Variants in RFTN1 observed in about 807,000 individuals in gnomAD.
RFTN1 encodes raftlin, lipid raft linker 1.
Under a neutral mutation model 46.5 loss-of-function variants are expected in RFTN1, and 26 were observed. That is an observed-to-expected ratio of 0.56 (90% confidence interval 0.41 to 0.78). The LOEUF is 0.78. Ranked by LOEUF, RFTN1 falls within the 30% of genes least tolerant of loss-of-function variation. RFTN1 has a pLI of 0.00. For synonymous variants in RFTN1, 261 were observed against 284.2 expected (o/e 0.92, Z 0.82); for missense variants, 693 against 718.7 (o/e 0.96, Z 0.41).
At chr3:16,488,915 G>C (rs531459023) in intron 2 of RFTN1, among the ~76,000 whole-genome samples, 2 of 152,288 alleles carry the variant, frequency 1.3e-5, no homozygotes, top group South Asian at 4.1e-4. Flanking sequence ...CCAAAACCTG[G>C]AAATGACCCA....
rs564448640 is a variant in RFTN1 at position 16,327,872 on chromosome 3, C to T, written c.1147-996G>A. Among the ~76,000 whole-genome samples the T allele has an allele frequency of 6.6e-6, 1 of 152,224 alleles. No individual in the cohort carries two copies. The highest frequency in any genetic ancestry group is 1.5e-5 in the Non-Finnish European group (1 of 68,036). On this transcript the variant is annotated intron_variant, in intron 7 of 9. Coordinates refer to ENST00000334133, the MANE Select transcript of RFTN1 (RefSeq NM_015150.2). The surrounding 1 kb of genome is among the most constrained non-coding windows in gnomAD (Gnocchi z 4.2). ...ACCTCTGCAGGCGTTCTCACTGCAA[C>T]AGGCCTCATTTCTTACTACGGGTTC...
chr3:16,390,242 C>G (rs565812486), intron 4 of RFTN1, among the ~76,000 whole-genome samples: 1 of 152,280 alleles, frequency 6.6e-6, no homozygotes, highest in South Asian at 2.1e-4. Flanking sequence ...CTAATCCATA[C>G]CCACAGGAAA....
rs1575376935 is a variant in RFTN1 at position 16,498,091 on chromosome 3, G to C, written c.-8-4214C>G. Among the ~76,000 whole-genome samples the C allele has an allele frequency of 6.6e-6, 1 of 152,238 alleles. No homozygotes were observed. The highest frequency in any genetic ancestry group is 1.9e-4 in the East Asian group (1 of 5,170). On this transcript the variant is annotated intron_variant, in intron 1 of 9. Coordinates refer to ENST00000334133, the MANE Select transcript of RFTN1 (RefSeq NM_015150.2). This position sits in a 1 kb window ranked among gnomAD's most constrained non-coding sequence, Gnocchi z 5.2. Reference sequence around the variant, plus strand: ...GTGCTTGATATCACAGGACATAAAGGGGCTCTGGGCAAATCATCCATGTGA... The same window carrying C: ...GTGCTTGATATCACAGGACATAAAGCGGCTCTGGGCAAATCATCCATGTGA...
intron 2 of RFTN1, among the ~76,000 whole-genome samples, chr3:16,471,436 A>G (rs2076193653): frequency 6.6e-6 from 1 of 152,172 alleles, no homozygotes; most frequent in African/African-American, 2.4e-5. Flanking sequence ...AAATATCAAT[A>G]TTAATGGTCC....
intron 4 of RFTN1, among the ~76,000 whole-genome samples, chr3:16,403,690 AATAT>A (rs1481450234): frequency 6.0e-5 from 1 of 16,602 alleles, no homozygotes; most frequent in Non-Finnish European, 1.0e-4. Flanking sequence ...ATATATATAT[AATAT>A]ATATTTTATG....
chr3:16,492,547 G>C (rs181630450), intron 2 of RFTN1, among the ~76,000 whole-genome samples: 1 of 152,304 alleles, frequency 6.6e-6, no homozygotes, highest in Admixed American at 6.5e-5. Context: ...AAATCCATGA[G>C]CATGAGGGCT....
Position 16,507,788 on chromosome 3 carries a change from C to G in RFTN1, c.-9+5654G>C, listed in dbSNP as rs911597664. On this transcript the variant is annotated intron_variant, in intron 1 of 9. Transcript: ENST00000334133. The surrounding 1 kb of genome is among the most constrained non-coding windows in gnomAD (Gnocchi z 7.1). The stretch of plus-strand genomic sequence containing the variant: ...ACAAACACACACATACACTCACATA[C>G]ACACAAACACACACAAACGCACATA... 1.3e-5 allele frequency among the ~76,000 whole-genome samples: 2 copies of G among 149,858 alleles called. No individual in the cohort carries two copies. The highest frequency in any genetic ancestry group is 1.3e-4 in the Admixed American group (2 of 14,920).
Position 16,424,939 on chromosome 3 carries a change from C to T in RFTN1, c.332+8912G>A, listed in dbSNP as rs2075261640. ...TATATCTTTTTCAGCTTGAAAAACACACAAAAAAAATCTAAGTTACTTCTG... is the reference window on the plus strand; with the variant it reads ...TATATCTTTTTCAGCTTGAAAAACATACAAAAAAAATCTAAGTTACTTCTG... On this transcript the variant is annotated intron_variant, in intron 3 of 9. Transcript: ENST00000334133. The surrounding 1 kb of genome is among the most constrained non-coding windows in gnomAD (Gnocchi z 4.7). Among the ~76,000 whole-genome samples, 1 of 138,352 alleles carries T rather than the reference C, an allele frequency of 7.2e-6. No individual in the cohort carries two copies. Among genetic ancestry groups the T allele is most frequent in the Admixed American group, 7.4e-5 (1 of 13,504 alleles). 90.8% of individuals were successfully genotyped at this position (138,352 alleles called of 152,430 possible). A position where few individuals can be genotyped will look rare whatever the true frequency, so the allele number is the denominator to read the frequency against.
At position 16,422,861 on chromosome 3, in the gene RFTN1, G is replaced by C. The variant is rs2075213730; in HGVS notation, c.332+10990C>G. On this transcript the variant is annotated intron_variant, in intron 3 of 9. Transcript: ENST00000334133. This position sits in a 1 kb window ranked among gnomAD's most constrained non-coding sequence, Gnocchi z 4.6. ...TGCTCTTGGCAAAGGTGGCTACCTA[G>C]AAGAAAATAAAAGTTAGACTCCTGG... is the stretch of plus-strand genomic sequence containing the variant. Among the ~76,000 whole-genome samples, 1 of 151,994 alleles carries C rather than the reference G, an allele frequency of 6.6e-6. No individual in the cohort carries two copies. The highest frequency in any genetic ancestry group is 1.5e-5 in the Non-Finnish European group (1 of 67,978).
In RFTN1 at chr3:16,403,730, T is replaced by A; in HGVS notation, c.441+5645A>T. ...TATATAATATATAATATATATATTA[T>A]ATATATTATATTATATATTATATAT... On this transcript the variant is annotated intron_variant, in intron 4 of 9. Coordinates refer to ENST00000334133, the MANE Select transcript of RFTN1 (RefSeq NM_015150.2). 1.5e-4 allele frequency among the ~76,000 whole-genome samples: 3 copies of A among 20,356 alleles called. 1 individual carries two copies. Among genetic ancestry groups the A allele is most frequent in the South Asian group, 3.2e-3 (2 of 618 alleles). The allele number at this position is 20,356 out of a possible 152,430, so 13.4% of individuals were successfully genotyped here. A position where few individuals can be genotyped will look rare whatever the true frequency, so the allele number is the denominator to read the frequency against.
Position 16,381,687 on chromosome 3 carries a change from G to A in RFTN1, c.442-3585C>T, listed in dbSNP as rs1334222296. Among the ~76,000 whole-genome samples, 6 of 152,190 alleles carry A rather than the reference G, an allele frequency of 3.9e-5. No homozygotes were observed. On this transcript the variant is annotated intron_variant, in intron 4 of 9. Coordinates refer to ENST00000334133, the MANE Select transcript of RFTN1 (RefSeq NM_015150.2). The surrounding 1 kb of genome is among the most constrained non-coding windows in gnomAD (Gnocchi z 4.2). ...GGGCAATCCATGTAAAGGCAAGGAA[G>A]GATCATGATGGGCAAAAGCGTGACA...
chr3:16,453,600 T>G (rs1346232339), intron 2 of RFTN1, among the ~76,000 whole-genome samples: 1 of 152,254 alleles, frequency 6.6e-6, no homozygotes, highest in Non-Finnish European at 1.5e-5. Context: ...CAAAGCCTTT[T>G]AAAAATGTAA....
rs978758759 is a variant in RFTN1 at position 16,384,848 on chromosome 3, C to A, written c.442-6746G>T. On this transcript the variant is annotated intron_variant, in intron 4 of 9. Coordinates refer to ENST00000334133, the MANE Select transcript of RFTN1 (RefSeq NM_015150.2). This position sits in a 1 kb window ranked among gnomAD's most constrained non-coding sequence, Gnocchi z 4.7. ...CCAGCCACTTGTGGCTAGTGATGAC[C>A]CCATGGACAGTGCAGGTGTAGAACA... 6.6e-6 allele frequency among the ~76,000 whole-genome samples: 1 copy of A among 152,092 alleles called. No homozygotes were observed. Among genetic ancestry groups the A allele is most frequent in the Non-Finnish European group, 1.5e-5 (1 of 68,020 alleles).
Position 16,479,340 on chromosome 3 carries a change from T to C in RFTN1, c.145+14385A>G, listed in dbSNP as rs2076330086. Among the ~76,000 whole-genome samples, 1 of 152,224 alleles carries C rather than the reference T, an allele frequency of 6.6e-6. No homozygotes were observed. Among genetic ancestry groups the C allele is most frequent in the Admixed American group, 6.5e-5 (1 of 15,290 alleles). On this transcript the variant is annotated intron_variant, in intron 2 of 9. Transcript: ENST00000334133. The surrounding 1 kb of genome is among the most constrained non-coding windows in gnomAD (Gnocchi z 5.1). ...AGTTGTTTTAGGCTAATTCATTAAATGAAGTCCACAATAAGAAACTACTTA... is the reference window on the plus strand; with the variant it reads ...AGTTGTTTTAGGCTAATTCATTAAACGAAGTCCACAATAAGAAACTACTTA...
chr3:16,377,778 T>A lies in RFTN1; in HGVS notation c.766A>T (p.Lys256Ter), dbSNP rs2073834274. The change falls in exon 5 of 10, where the codon AAG (lysine) becomes TAG (stop). Residue 256 changes from lysine to a stop codon, truncating the protein, a stop_gained. Transcript: ENST00000334133. LOFTEE classifies it high-confidence loss of function. ...GGELSPQGVSKTLDGPESNPL... is the reference protein window; with the variant it reads ...GGELSPQGVS ...TTGCTCTCCGGTCCATCCAGTGTCT[T>A]GCTCACCCCCTGTGGTGAAAGTTCT... 6.2e-7 allele frequency: 1 copy of A among 1,613,916 alleles called. No individual in the cohort carries two copies. The highest frequency in any genetic ancestry group is 1.7e-5 in the Admixed American group (1 of 60,000).
In RFTN1 at chr3:16,440,099, G is replaced by T. The variant is rs922639174; in HGVS notation, c.146-6062C>A. On this transcript the variant is annotated intron_variant, in intron 2 of 9. Transcript: ENST00000334133. This position sits in a 1 kb window ranked among gnomAD's most constrained non-coding sequence, Gnocchi z 4.6. Reference sequence around the variant, plus strand: ...CACTGGTATGGCTGTCTTAGCCACCGTTACCTTCCAAAAAGAGAAAATGCC... The same window carrying T: ...CACTGGTATGGCTGTCTTAGCCACCTTTACCTTCCAAAAAGAGAAAATGCC... Among the ~76,000 whole-genome samples the T allele has an allele frequency of 6.6e-6, 1 of 152,144 alleles. No individual in the cohort carries two copies. Among genetic ancestry groups the T allele is most frequent in the South Asian group, 2.1e-4 (1 of 4,832 alleles).
intron 4 of RFTN1, among the ~76,000 whole-genome samples, chr3:16,386,825 G>A (rs540163712): frequency 3.9e-5 from 6 of 152,274 alleles, no homozygotes; most frequent in Admixed American, 2.0e-4. Context: ...TAACTGCAGA[G>A]CTCATGGGAA....
Position 16,374,928 on chromosome 3 carries a change from T to C in RFTN1, c.826+2790A>G, listed in dbSNP as rs1249010177. ...CCCGCAGAGATGGGGAGGGACGACC[T>C]GCCCCTGCTTCCGCATGGAGAATCC... is the stretch of plus-strand genomic sequence containing the variant. On this transcript the variant is annotated intron_variant, in intron 5 of 9. Transcript: ENST00000334133. The surrounding 1 kb of genome is among the most constrained non-coding windows in gnomAD (Gnocchi z 5.4). Among the ~76,000 whole-genome samples, 1 of 152,150 alleles carries C rather than the reference T, an allele frequency of 6.6e-6. No homozygotes were observed. Among genetic ancestry groups the C allele is most frequent in the Non-Finnish European group, 1.5e-5 (1 of 68,022 alleles).
intron 2 of RFTN1, among the ~76,000 whole-genome samples, chr3:16,493,048 G>C (rs1463170075): frequency 6.6e-6 from 1 of 152,256 alleles, no homozygotes; most frequent in Non-Finnish European, 1.5e-5. Context: ...CGAGATGGCA[G>C]ACAACAGGCA....
Sources: gnomAD v4.1 joint callset for allele counts (sites outside exome capture counted in the v4.1 genomes callset) on GRCh38, gnomAD v4.1.1 for gene constraint, Gnocchi (gnomAD v3.1) non-coding constraint, MANE v1.5 for transcripts, NCBI Gene and HGNC (gene_info 2026-07-23, HGNC 2026-07-21) for gene names.